Variants in NUP98 observed in about 807,000 individuals in gnomAD.
NUP98 encodes nuclear pore complex protein Nup98-Nup96.
A neutral mutation model predicts 191.9 loss-of-function variants in NUP98; 26 were observed. The ratio of observed to expected loss-of-function variants is 0.14; its 90% CI spans 0.10 to 0.19. The LOEUF (loss-of-function observed/expected upper bound fraction) is 0.19, where lower values mean the gene tolerates loss of function less well. NUP98 is among the 10% of genes least tolerant of loss of function. The pLI, the probability that NUP98 is intolerant of heterozygous loss-of-function variation, is 1.00. For missense variants in NUP98, 1,941 were observed against 2,178.8 expected, an observed-to-expected ratio of 0.89 and a Z score of 2.17; for synonymous variants, 808 against 778.4, an observed-to-expected ratio of 1.04 and a Z score of -0.63.
intron 1 of NUP98, among the ~76,000 whole-genome samples, chr11:3,782,802 C>T (rs2082017216): frequency 6.6e-6 from 1 of 152,044 alleles, no homozygotes; most frequent in Non-Finnish European, 1.5e-5. Flanking sequence ...CACCTGGGTG[C>T]TGAGATTACA....
At chr11:3,679,836 T>G (rs2077933591) in intron 30 of NUP98, 128 bp from the exon 31 acceptor site, 1 of 787,632 alleles carries the variant, frequency 1.3e-6, no homozygotes, top group Non-Finnish European at 2.0e-6. Context: ...TAAAAGCACA[T>G]ACAGGCATAC....
intron 12 of NUP98, among the ~76,000 whole-genome samples, chr11:3,736,045 G>A (rs2080042521): frequency 6.8e-6 from 1 of 146,376 alleles, no homozygotes; most frequent in Admixed American, 6.8e-5. Context: ...GGGACTACAG[G>A]GGTGAGTCAC....
intron 20 of NUP98, chr11:3,711,755 A>C (rs1012472828): frequency 1.4e-5 from 9 of 636,426 alleles, no homozygotes; most frequent in African/African-American, 9.7e-5. Flanking sequence ...AAAAGTCAAT[A>C]TATTTCCAGT....
chr11:3,779,294 A>T, intron 2 of NUP98, 37 bp from the exon 3 acceptor site: 1 of 1,454,040 alleles, frequency 6.9e-7, no homozygotes, highest in Non-Finnish European at 9.7e-7. Context: ...TAGAATTTAG[A>T]ATAAAATCTA....
In NUP98 at chr11:3,719,329, G is replaced by C. The variant is rs922090624; in HGVS notation, c.2399+83C>G. 3.9e-5 allele frequency: 42 copies of C among 1,071,472 alleles called. No homozygotes were observed. In the African/African-American group the frequency reaches 6.8e-4, roughly 17 times the overall value. The allele number at this position is 1,071,472 out of a possible 1,614,324, so 66.4% of individuals were successfully genotyped here. ...ATAGTAAGGAAAGCAAGCTACAGAA[G>C]CATACATCTAAACACATTTATGTTT... is the stretch of plus-strand genomic sequence containing the variant. On this transcript the variant is annotated intron_variant, in intron 18 of 32. Transcript: ENST00000324932.
chr11:3,770,216 G>A (rs1589929106), intron 7 of NUP98, among the ~76,000 whole-genome samples: 1 of 152,206 alleles, frequency 6.6e-6, no homozygotes, highest in Non-Finnish European at 1.5e-5. Context: ...CATGGTGGCG[G>A]GTGCCTGTAA....
intron 20 of NUP98, among the ~76,000 whole-genome samples, chr11:3,710,363 G>A (rs1201421584): frequency 2.0e-5 from 3 of 152,142 alleles, no homozygotes; most frequent in Non-Finnish European, 4.4e-5. Flanking sequence ...TGAAAATTTA[G>A]TTACCTTTAT....
chr11:3,742,203 A>G (rs913491544), intron 12 of NUP98, among the ~76,000 whole-genome samples: 9 of 152,256 alleles, frequency 5.9e-5, no homozygotes, highest in African/African-American at 2.2e-4. Flanking sequence ...AGTTCTATGG[A>G]AGTCAGTAAG....
chr11:3,769,168 T>C (rs1441853053), intron 7 of NUP98, among the ~76,000 whole-genome samples: 1 of 152,172 alleles, frequency 6.6e-6, no homozygotes, highest in Non-Finnish European at 1.5e-5. Context: ...CTCACACCTG[T>C]AATAACAACA....
In NUP98 at chr11:3,722,639, A is replaced by C. The variant is rs186990158; in HGVS notation, c.2146+518T>G. ...CCCAGGATTTTGAGACCAGCCCAGG[A>C]AACATGGCAAAACAAAAGATGCAAA... On this transcript the variant is annotated intron_variant, in intron 16 of 32. Transcript: ENST00000324932. Among the ~76,000 whole-genome samples, 245 of 152,148 alleles carry C rather than the reference A, an allele frequency of 1.6e-3. 1 individual carries two copies. The highest frequency in any genetic ancestry group is 5.6e-3 in the African/African-American group (231 of 41,520).
intron 26 of NUP98, among the ~76,000 whole-genome samples, chr11:3,693,667 A>G (rs1299177736): frequency 6.6e-6 from 1 of 152,142 alleles, no homozygotes; most frequent in Non-Finnish European, 1.5e-5. Context: ...CATTGTGATT[A>G]CAGGAATCAG....
intron 5 of NUP98, among the ~76,000 whole-genome samples, chr11:3,775,475 G>A (rs1171826360): frequency 1.3e-5 from 2 of 151,830 alleles, no homozygotes; most frequent in African/African-American, 4.8e-5. Flanking sequence ...GGTAGAGGTT[G>A]CAGTGAGCTG....
intron 26 of NUP98, among the ~76,000 whole-genome samples, chr11:3,695,030 G>A (rs540517176): frequency 3.3e-4 from 50 of 152,270 alleles, no homozygotes; most frequent in African/African-American, 1.2e-3. Flanking sequence ...GTGTATGGTA[G>A]CGTGTGCCTG....
chr11:3,742,283 G>C (rs995464126), intron 12 of NUP98, among the ~76,000 whole-genome samples: 1 of 152,202 alleles, frequency 6.6e-6, no homozygotes, highest in Non-Finnish European at 1.5e-5. Context: ...CACTACTTTC[G>C]TAAGTTGTAA....
intron 10 of NUP98, among the ~76,000 whole-genome samples, chr11:3,757,013 G>A (rs1251275452): frequency 1.3e-5 from 2 of 151,020 alleles, no homozygotes; most frequent in African/African-American, 2.4e-5. Flanking sequence ...GTGTGAACCC[G>A]GGAAGCGGAG....
chr11:3,786,991 T>G (rs550742701), intron 1 of NUP98, among the ~76,000 whole-genome samples: 2 of 152,242 alleles, frequency 1.3e-5, no homozygotes, highest in South Asian at 4.1e-4. Context: ...ATGAATGGAC[T>G]GTATAGTACT....
chr11:3,738,776 C>CAAAAAA (rs58460963), intron 12 of NUP98, among the ~76,000 whole-genome samples: 1 of 67,194 alleles, frequency 1.5e-5, no homozygotes, highest in East Asian at 4.7e-4. Flanking sequence ...AGACTCCTCT[C>CAAAAAA]AAAAAAAAAA....
Position 3,720,739 on chromosome 11 carries a change from C to G in NUP98, c.2233G>C (p.Val745Leu). The change falls in exon 17 of 33, where the codon GTC (valine) becomes CTC (leucine). Residue 745 changes from valine (V) to leucine (L), a missense_variant. Physicochemically the swap from Val to Leu is conservative, Grantham distance 32. Around this residue, in one of 6 missense-constraint regions of NUP98, gnomAD observed 453 missense variants for 438.2 expected, o/e 1.03. Transcript: ENST00000324932. ...KITNEKGECI[V>L]SDFTIGRKGY... is the part of the protein sequence containing the mutation. ...TTCCGACCAATAGTGAAATCAGAGA[C>G]AATGCACTCTCCTTTTTCATTGGTA... is the stretch of plus-strand genomic sequence containing the variant. 3 of 1,579,580 alleles carry G rather than the reference C, an allele frequency of 1.9e-6. No homozygotes were observed. Among genetic ancestry groups the G allele is most frequent in the Non-Finnish European group, 2.6e-6 (3 of 1,157,694 alleles).
At chr11:3,677,939 C>T (rs2077870045) in intron 31 of NUP98, among the ~76,000 whole-genome samples, 1 of 151,812 alleles carries the variant, frequency 6.6e-6, no homozygotes, top group South Asian at 2.1e-4. Flanking sequence ...GAGTTTGAGA[C>T]CAGCCTGGCC....
Sources: allele counts gnomAD v4.1 joint callset (sites outside exome capture counted in the v4.1 genomes callset), GRCh38; gene constraint gnomAD v4.1.1; regional missense constraint gnomAD v4.1.1; transcripts MANE v1.5; gene names NCBI Gene and HGNC (gene_info 2026-07-23, HGNC 2026-07-21).